The following DMXL2 variants were observed in gnomAD, a reference collection of about 807,000 sequenced individuals.
DMXL2 encodes the protein dmX-like protein 2.
A neutral mutation model predicts 331.1 loss-of-function variants in DMXL2; 103 were observed. That is an observed-to-expected ratio of 0.31 (90% confidence interval 0.27 to 0.37). DMXL2 has a LOEUF of 0.37. Ranked by LOEUF, DMXL2 falls within the 10% of genes least tolerant of loss-of-function variation. The pLI, the probability that DMXL2 is intolerant of heterozygous loss-of-function variation, is 1.00. For missense variants in DMXL2, 3,171 were observed against 3,642.9 expected (o/e 0.87, Z 3.33); for synonymous variants, 1,281 against 1,252.1 (o/e 1.02, Z -0.49).
At chr15:51,604,904 T>C (rs947738397) in intron 1 of DMXL2, among the ~76,000 whole-genome samples, 1 of 152,154 alleles carries the variant, frequency 6.6e-6, no homozygotes, top group African/African-American at 2.4e-5. Context: ...CATAGATCAG[T>C]GCAACAGAAT....
chr15:51,452,710 A>G (rs748505238), intron 41 of DMXL2, among the ~76,000 whole-genome samples: 4 of 152,198 alleles, frequency 2.6e-5, no homozygotes, highest in Non-Finnish European at 5.9e-5. Context: ...TATAAGCAGA[A>G]CTACCATTCA....
intron 9 of DMXL2, 36 bp downstream of exon 9, chr15:51,542,297 C>T (rs1217729997): frequency 6.3e-7 from 1 of 1,582,510 alleles, no homozygotes; most frequent in African/African-American, 1.4e-5. Flanking sequence ...TACCTGACTT[C>T]AACATATTTA....
rs1050366366 is a variant in DMXL2 at position 51,454,689 on chromosome 15, G to A, written c.8604+462C>T. Among the ~76,000 whole-genome samples, 10 of 152,192 alleles carry A rather than the reference G, an allele frequency of 6.6e-5. No homozygotes were observed. The South Asian group carries it at 1.0e-3, about 16-fold the overall frequency. On this transcript the variant is annotated intron_variant, in intron 40 of 43. Coordinates refer to ENST00000560891, the MANE Select transcript of DMXL2 (RefSeq NM_001378457.1). ...TTTTTGTATTTTTAGTAGAGAGGGG[G>A]TTTCACCAGGTTGGTCAGGCTGGTC...
intron 1 of DMXL2, among the ~76,000 whole-genome samples, chr15:51,613,907 T>C (rs1397921050): frequency 2.6e-5 from 4 of 152,240 alleles, no homozygotes; most frequent in Admixed American, 6.5e-5. Flanking sequence ...ACCTCAATCA[T>C]GTCTTTGCTA....
chr15:51,481,424 T>C lies in DMXL2; in HGVS notation c.5682A>G (p.Lys1894=). 6.2e-7 allele frequency: 1 copy of C among 1,611,668 alleles called. No individual in the cohort carries two copies. Residue 1894 remains lysine, a synonymous_variant, in exon 24 of 44, where the codon AAA becomes AAG. Transcript: ENST00000560891. ...LFFTTANAHF[K]VGCPVLALEV... ...CCAAGGCTAAAACAGGGCATCCAACTTTAAAATGAGCATTTGCAGTGGTAA... is the reference window on the plus strand; with the variant it reads ...CCAAGGCTAAAACAGGGCATCCAACCTTAAAATGAGCATTTGCAGTGGTAA...
intron 28 of DMXL2, among the ~76,000 whole-genome samples, chr15:51,472,044 T>G (rs1005091819): frequency 1.3e-5 from 2 of 152,038 alleles, no homozygotes; most frequent in Non-Finnish European, 2.9e-5. Context: ...AGATGGAAGA[T>G]GACATAAGAA....
chr15:51,455,680 TGTGACTG>T, intron 39 of DMXL2, among the ~76,000 whole-genome samples: 1 of 152,308 alleles, frequency 6.6e-6, no homozygotes, highest in East Asian at 1.9e-4. Flanking sequence ...TGTGAACCAC[TGTGACTG>T]GCCCTTCCAT....
intron 42 of DMXL2, 45 bp from the exon 43 acceptor site, chr15:51,450,391 T>C: frequency 6.3e-7 from 1 of 1,583,942 alleles, no homozygotes; most frequent in Non-Finnish European, 8.7e-7. Context: ...CAATTTCTTG[T>C]CTTGGTAATT....
At chr15:51,620,986 T>C (rs1361683651) in intron 1 of DMXL2, among the ~76,000 whole-genome samples, 1 of 152,204 alleles carries the variant, frequency 6.6e-6, no homozygotes, top group Non-Finnish European at 1.5e-5. Context: ...CAGGAAAATA[T>C]AACCAAAGAT....
Position 51,601,347 on chromosome 15 carries a change from C to T in DMXL2, c.87+21112G>A, listed in dbSNP as rs965250545. 1.4e-4 allele frequency among the ~76,000 whole-genome samples: 21 copies of T among 150,736 alleles called. 1 individual carries two copies. The Middle Eastern group carries it at 0.01, about 75-fold the overall frequency. On this transcript the variant is annotated intron_variant, in intron 1 of 43. Coordinates refer to ENST00000560891, the MANE Select transcript of DMXL2 (RefSeq NM_001378457.1). Reference sequence around the variant, plus strand: ...AAATCTTTTGCAACCTCAAGGTTAGCAATACATTTTCCTCTACATGTATTC... The same window carrying T: ...AAATCTTTTGCAACCTCAAGGTTAGTAATACATTTTCCTCTACATGTATTC...
chr15:51,601,390 T>C (rs2053221209), intron 1 of DMXL2, among the ~76,000 whole-genome samples: 1 of 152,150 alleles, frequency 6.6e-6, no homozygotes, highest in Admixed American at 6.5e-5. Context: ...TTCTCCCTTC[T>C]AAAATATGTA....
rs58650607 is a variant in DMXL2 at position 51,585,797 on chromosome 15, A to G, written c.88-9616T>C. The stretch of plus-strand genomic sequence containing the variant: ...TTTATTAGAAGATAAGCATCTTTTC[A>G]CATATTTATCAGCCATTTATATTTC... On this transcript the variant is annotated intron_variant, in intron 1 of 43. Transcript: ENST00000560891. Among the ~76,000 whole-genome samples, 1,011 of 152,322 alleles carry G rather than the reference A, an allele frequency of 6.6e-3. 8 individuals are homozygous for G. Among genetic ancestry groups the G allele is most frequent in the African/African-American group, 0.024 (987 of 41,574 alleles).
In DMXL2 at chr15:51,466,298, A is replaced by G. The variant is rs775310756; in HGVS notation, c.7406T>C (p.Leu2469Ser). ...ATCATATATAACACCACTATCAGAC[A>G]AAGGAAGAAATGGCTGCAATAAAAG... ...DYFVAKPFLPLSDSGVIYDSD... is the reference protein window; with the variant it reads ...DYFVAKPFLPSSDSGVIYDSD... The change falls in exon 30 of 44, where the codon TTG becomes TCG. Residue 2469 changes from leucine (L) to serine (S), a missense_variant. By Grantham distance (145) the Leu-to-Ser change is moderately radical. Coordinates refer to ENST00000560891, the MANE Select transcript of DMXL2 (RefSeq NM_001378457.1). 2.9e-6 allele frequency: 4 copies of G among 1,399,448 alleles called. No homozygotes were observed. The highest frequency in any genetic ancestry group is 3.8e-6 in the Non-Finnish European group (4 of 1,063,302). 86.7% of individuals were successfully genotyped at this position (1,399,448 alleles called of 1,614,324 possible). A position where few individuals can be genotyped will look rare whatever the true frequency, so the allele number is the denominator to read the frequency against.
chr15:51,569,307 G>A (rs1229557594), intron 2 of DMXL2, among the ~76,000 whole-genome samples: 1 of 152,208 alleles, frequency 6.6e-6, no homozygotes, highest in African/African-American at 2.4e-5. Context: ...CCCTCACAGT[G>A]TAAACAAAGC....
intron 14 of DMXL2, 43 bp downstream of exon 14, chr15:51,517,035 G>C: frequency 2.1e-6 from 3 of 1,458,936 alleles, no homozygotes; most frequent in African/African-American, 1.4e-5. Context: ...AACACCATGG[G>C]ATAAAGTATA....
chr15:51,498,950 G>A lies in DMXL2; in HGVS notation c.4274C>T (p.Ser1425Phe). The change falls in exon 18 of 44, where the codon TCT becomes TTT. Residue 1425 changes from serine (S) to phenylalanine (F), a missense_variant. Around this residue, in one of 7 missense-constraint regions of DMXL2, gnomAD observed 1,674 missense variants for 1,780.2 expected, o/e 0.94. Transcript: ENST00000560891. The part of the protein sequence containing the change: ...DGTRDYTEID[S>F]IPPLPLYALL... Reference sequence around the variant, plus strand: ...TGCATATAGTGGTAGTGGAGGGATAGAATCTATCTCAGTATAATCTCGAGT... The same window carrying A: ...TGCATATAGTGGTAGTGGAGGGATAAAATCTATCTCAGTATAATCTCGAGT... 6.2e-7 allele frequency: 1 copy of A among 1,614,092 alleles called. No homozygotes were observed. Among genetic ancestry groups the A allele is most frequent in the Non-Finnish European group, 8.5e-7 (1 of 1,180,020 alleles).
At chr15:51,563,867 T>C (rs1258454910) in intron 5 of DMXL2, among the ~76,000 whole-genome samples, 2 of 152,066 alleles carry the variant, frequency 1.3e-5, no homozygotes, top group Non-Finnish European at 2.9e-5. Flanking sequence ...TATTAATGAG[T>C]ATTTCCTATG....
At chr15:51,534,547 AT>A (rs2048181095) in intron 13 of DMXL2, among the ~76,000 whole-genome samples, 1 of 152,186 alleles carries the variant, frequency 6.6e-6, no homozygotes, top group African/African-American at 2.4e-5. Flanking sequence ...CAGATGACAA[AT>A]TGGCAGGAAT....
intron 23 of DMXL2, among the ~76,000 whole-genome samples, chr15:51,484,116 G>A (rs1293445766): frequency 6.6e-6 from 1 of 152,150 alleles, no homozygotes; most frequent in Non-Finnish European, 1.5e-5. Flanking sequence ...GAGCAGCCAT[G>A]CAATCGTGTC....
Sources: gnomAD v4.1 joint callset for allele counts (sites outside exome capture counted in the v4.1 genomes callset) on GRCh38, gnomAD v4.1.1 for gene constraint, gnomAD v4.1.1 regional missense constraint, MANE v1.5 for transcripts, NCBI Gene and HGNC (gene_info 2026-07-23, HGNC 2026-07-21) for gene names.